WDPCP: variants seen among roughly 807,000 people sequenced by gnomAD.
WDPCP encodes the protein WD repeat-containing and planar cell polarity effector protein fritz homolog.
Under a neutral mutation model 93.1 loss-of-function variants are expected in WDPCP, and 71 were observed. The ratio of observed to expected loss-of-function variants is 0.76; its 90% confidence interval spans 0.63 to 0.93. The LOEUF (loss-of-function observed/expected upper bound fraction) is 0.93, where lower values mean the gene tolerates loss of function less well. Ranked by LOEUF, WDPCP falls within the 40% of genes least tolerant of loss-of-function variation. The pLI is 0.00. For synonymous variants in WDPCP, 315 were observed against 315.0 expected, an observed-to-expected ratio of 1.00 and a Z score of 0.00; for missense variants, 844 against 887.4, an observed-to-expected ratio of 0.95 and a Z score of 0.62.
At chr2:63,505,255 A>T (rs926332052) in intron 1 of WDPCP, among the ~76,000 whole-genome samples, 4 of 152,012 alleles carry the variant, frequency 2.6e-5, no homozygotes, top group African/African-American at 9.7e-5. Context: ...ACTTACATAA[A>T]ATTTTTAGTA....
At chr2:63,548,946 G>A (rs1575622775) in intron 1 of WDPCP, among the ~76,000 whole-genome samples, 2 of 152,208 alleles carry the variant, frequency 1.3e-5, no homozygotes, top group East Asian at 3.9e-4. Context: ...ATGTTAAACA[G>A]TGATGAAAAT....
chr2:63,821,847 TAC>T lies in WDPCP; in HGVS notation n.222+5773_222+5774del, dbSNP rs796889357. On this transcript the variant is annotated intron_variant and non_coding_transcript_variant, in intron 1 of 4. Transcript: ENST00000467687. ...GATATCAAAGGATTTCAGAAAAAAA[TAC>T]ACACACAAACGCACACTTAAGGTAT... Among the ~76,000 whole-genome samples, 6 of 152,148 alleles carry T rather than the reference TAC, an allele frequency of 3.9e-5. 1 individual carries two copies. Among genetic ancestry groups the T allele is most frequent in the African/African-American group, 1.4e-4 (6 of 41,510 alleles).
chr2:63,567,321 A>T (rs1707151967), intron 1 of WDPCP, among the ~76,000 whole-genome samples: 1 of 152,088 alleles, frequency 6.6e-6, no homozygotes, highest in Admixed American at 6.5e-5. Context: ...ACCCCCAGCC[A>T]CCAGTCATCT....
intron 3 of WDPCP, among the ~76,000 whole-genome samples, chr2:63,624,830 T>C (rs1396731006): frequency 6.6e-6 from 1 of 152,216 alleles, no homozygotes; most frequent in Non-Finnish European, 1.5e-5. Flanking sequence ...ACTCATTTTA[T>C]GAGGCCAGCA....
At chr2:63,277,990 A>C (rs558081082) in intron 13 of WDPCP, among the ~76,000 whole-genome samples, 21 of 152,340 alleles carry the variant, frequency 1.4e-4, no homozygotes, top group African/African-American at 5.0e-4. Flanking sequence ...AAGACAGAGC[A>C]TATGAAGACC....
intron 3 of WDPCP, 25 bp downstream of exon 3, chr2:63,487,418 AAATT>A: frequency 6.6e-7 from 1 of 1,525,900 alleles, no homozygotes; most frequent in East Asian, 2.3e-5. Context: ...TAGTTAATAA[AAATT>A]AATTGCACAG....
chr2:63,234,178 T>C (rs1679174288), intron 14 of WDPCP, among the ~76,000 whole-genome samples: 2 of 152,216 alleles, frequency 1.3e-5, no homozygotes, highest in Admixed American at 6.5e-5. Flanking sequence ...TGGCTCTAGT[T>C]CTTGCACCAA....
chr2:63,745,864 T>C (rs1277743972), intron 2 of WDPCP, among the ~76,000 whole-genome samples: 1 of 152,194 alleles, frequency 6.6e-6, no homozygotes, highest in Admixed American at 6.5e-5. Flanking sequence ...CCCATTTATG[T>C]TCCCACCAGC....
intron 14 of WDPCP, among the ~76,000 whole-genome samples, chr2:63,237,056 A>G (rs1679462495): frequency 1.3e-5 from 2 of 152,138 alleles, no homozygotes; most frequent in South Asian, 4.1e-4. Context: ...AACCTACAGA[A>G]TGGGAGAAAA....
At chr2:63,643,759 CCA>C (rs1710012427) in intron 3 of WDPCP, 2 of 530,442 alleles carry the variant, frequency 3.8e-6, no homozygotes, top group Non-Finnish European at 7.7e-6. Context: ...GACATTCTCT[CCA>C]GTCTTGTCAA....
chr2:63,313,876 A>ATGTGTGTGTG lies in WDPCP; in HGVS notation c.1749-566_1749-565insCACACACACA, dbSNP rs1559312010. Among the ~76,000 whole-genome samples the ATGTGTGTGTG allele has an allele frequency of 0.014, 57 of 4,050 alleles. No homozygotes were observed. The East Asian group carries it at 0.14, about 10-fold the overall frequency. The allele number at this position is 4,050 out of a possible 152,430, so 2.7% of individuals were successfully genotyped here. ...TACATATATATATATATATATATAT[A>ATGTGTGTGTG]TATATATATATTTTTTTTTTTTTGG... is the stretch of plus-strand genomic sequence containing the variant. On this transcript the variant is annotated intron_variant, in intron 12 of 17. Coordinates refer to ENST00000272321, the MANE Select transcript of WDPCP (RefSeq NM_015910.7).
At position 63,756,646 on chromosome 2, in the gene WDPCP, C is replaced by T. The variant is rs372480682; in HGVS notation, n.308+56976G>A. Among the ~76,000 whole-genome samples, 3 of 152,158 alleles carry T rather than the reference C, an allele frequency of 2.0e-5. No homozygotes were observed. In the East Asian group the frequency reaches 5.8e-4, roughly 29 times the overall value. Reference sequence around the variant, plus strand: ...TATGGGCAAGCCATATCATTTCTTACATGGGCAAGTCATCTAGTCTATTTG... The same window carrying T: ...TATGGGCAAGCCATATCATTTCTTATATGGGCAAGTCATCTAGTCTATTTG... On this transcript the variant is annotated intron_variant and non_coding_transcript_variant, in intron 2 of 4. Transcript: ENST00000467687.
chr2:63,291,808 C>CA (rs58542222), intron 13 of WDPCP, among the ~76,000 whole-genome samples: 22 of 133,062 alleles, frequency 1.7e-4, no homozygotes, highest in Non-Finnish European at 2.6e-4. Flanking sequence ...GATTCTCTTA[C>CA]AAAAAAAAAA....
rs562025302 is a variant in WDPCP at position 63,207,434 on chromosome 2, T to C, written c.1916-32602A>G. Among the ~76,000 whole-genome samples the C allele has an allele frequency of 7.2e-5, 11 of 152,292 alleles. No individual in the cohort carries two copies. In the East Asian group the frequency reaches 1.4e-3, roughly 19 times the overall value. On this transcript the variant is annotated intron_variant, in intron 14 of 17. Coordinates refer to ENST00000272321, the MANE Select transcript of WDPCP (RefSeq NM_015910.7). ...GAGGCCTCCCCAGCCATGCCTCCTGTACAGCCTGCGGAACTATGAGTCAAT... is the reference window on the plus strand; with the variant it reads ...GAGGCCTCCCCAGCCATGCCTCCTGCACAGCCTGCGGAACTATGAGTCAAT...
At chr2:63,403,744 T>A (rs1353027212) in intron 10 of WDPCP, 3 of 258,916 alleles carry the variant, frequency 1.2e-5, no homozygotes, top group Non-Finnish European at 2.2e-5. Context: ...AATATTCACA[T>A]GTCTATTTCT....
intron 2 of WDPCP, among the ~76,000 whole-genome samples, chr2:63,732,488 C>T (rs1224849568): frequency 6.6e-6 from 1 of 151,840 alleles, no homozygotes; most frequent in Non-Finnish European, 1.5e-5. Flanking sequence ...TATTGAGGAC[C>T]TAAAAACTAT....
chr2:63,175,212 A>G (rs1276722323), intron 14 of WDPCP, among the ~76,000 whole-genome samples: 2 of 152,184 alleles, frequency 1.3e-5, no homozygotes, highest in African/African-American at 2.4e-5. Context: ...TTGAAAAGAA[A>G]AGGAAAATAT....
intron 6 of WDPCP, among the ~76,000 whole-genome samples, chr2:63,451,833 A>G (rs1230728097): frequency 1.3e-5 from 2 of 152,370 alleles, no homozygotes; most frequent in East Asian, 3.8e-4. Context: ...AACAGAACCA[A>G]CGACAAAAAC....
intron 12 of WDPCP, among the ~76,000 whole-genome samples, chr2:63,357,505 G>GAA (rs1035317376): frequency 1.3e-5 from 2 of 152,068 alleles, no homozygotes; most frequent in African/African-American, 4.8e-5. Flanking sequence ...AGAAGCATAT[G>GAA]AAAAAAAGCT....
Sources: allele counts gnomAD v4.1 joint callset (sites outside exome capture counted in the v4.1 genomes callset), GRCh38; gene constraint gnomAD v4.1.1; transcripts MANE v1.5; gene names NCBI Gene and HGNC (gene_info 2026-07-23, HGNC 2026-07-21).